The following CDKAL1 variants were observed in gnomAD, a reference collection of about 807,000 sequenced individuals.
CDKAL1 encodes the protein CDKAL1 threonylcarbamoyladenosine tRNA methylthiotransferase, also known as threonylcarbamoyladenosine tRNA methylthiotransferase.
A neutral mutation model predicts 68.2 loss-of-function variants in CDKAL1; 32 were observed. The observed-to-expected ratio is 0.47, with a 90% CI of 0.35 to 0.63. The LOEUF (loss-of-function observed/expected upper bound fraction) is 0.63, where lower values mean the gene tolerates loss of function less well. Among genes scored for constraint, CDKAL1 ranks in the 30% least tolerant of loss-of-function variants. The probability of loss-of-function intolerance (pLI) is 0.00; values close to 1 mark genes in which losing one functional copy is unlikely to be tolerated. For synonymous variants in CDKAL1, 234 were observed against 244.3 expected (o/e 0.96, Z 0.39); for missense variants, 606 against 696.7 (o/e 0.87, Z 1.47).
chr6:20,643,692 G>A (rs1382917394), intron 4 of CDKAL1, among the ~76,000 whole-genome samples: 1 of 152,172 alleles, frequency 6.6e-6, no homozygotes, highest in Non-Finnish European at 1.5e-5. Context: ...TTGTGGGTTG[G>A]CTCAGAGCTA....
intron 5 of CDKAL1, among the ~76,000 whole-genome samples, chr6:20,695,000 T>C (rs1771048581): frequency 6.6e-6 from 1 of 152,168 alleles, no homozygotes; most frequent in Non-Finnish European, 1.5e-5. Context: ...ATGGGCCTTG[T>C]ACAGCCTGCA....
chr6:20,665,443 A>G (rs1204404983), intron 5 of CDKAL1, among the ~76,000 whole-genome samples: 1 of 152,186 alleles, frequency 6.6e-6, no homozygotes, highest in African/African-American at 2.4e-5. Context: ...AGTGACAGTG[A>G]GAGTAATGAA....
Position 21,201,096 on chromosome 6 carries a change from C to T in CDKAL1, c.1384-14C>T. On this transcript the variant is annotated splice_polypyrimidine_tract_variant and intron_variant, in intron 14 of 15. Coordinates refer to ENST00000274695, the MANE Select transcript of CDKAL1 (RefSeq NM_017774.3). ...ATTTTTAAAAATTAAGCCTCTGAAA[C>T]AAATGTGTTTAAGGTTTTAGTGCCA... The T allele has an allele frequency of 6.3e-7, 1 of 1,589,208 alleles. No homozygotes were observed. The highest frequency in any genetic ancestry group is 2.3e-5 in the East Asian group (1 of 44,424).
Position 20,542,954 on chromosome 6 carries a change from A to T in CDKAL1, c.-5-3392A>T, listed in dbSNP as rs1763445352. Among the ~76,000 whole-genome samples, 2 of 152,242 alleles carry T rather than the reference A, an allele frequency of 1.3e-5. 1 individual carries two copies. Among genetic ancestry groups the T allele is most frequent in the South Asian group, 4.1e-4 (2 of 4,838 alleles). The stretch of plus-strand genomic sequence containing the variant: ...TTGGGATTGAATTTCTTCATTCAGC[A>T]TAATTCTCAGGAGAGTCATCCAGGT... On this transcript the variant is annotated intron_variant, in intron 2 of 15. Coordinates refer to ENST00000274695, the MANE Select transcript of CDKAL1 (RefSeq NM_017774.3).
chr6:20,810,404 A>ATGT lies in CDKAL1; in HGVS notation c.638+29139_638+29140insTGT, dbSNP rs1776754012. ...CTCTCTCTCTCTGTCACACACACAC[A>ATGT]CACACACACACACACACACACACAC... On this transcript the variant is annotated intron_variant, in intron 8 of 15. Transcript: ENST00000274695. Among the ~76,000 whole-genome samples the ATGT allele has an allele frequency of 1.3e-4, 7 of 55,586 alleles. No individual in the cohort carries two copies. The East Asian group carries it at 2.4e-3, about 19-fold the overall frequency. The allele number at this position is 55,586 out of a possible 152,430, so 36.5% of individuals were successfully genotyped here.
rs746271613 is a variant in CDKAL1 at position 20,722,649 on chromosome 6, CA to C, written c.372-16863del. ...GAAACCTCACCATCAAAAACAAAAC[CA>C]AAAAAACAGCCTGAAACCCGCAGCC... is the stretch of plus-strand genomic sequence containing the variant. On this transcript the variant is annotated intron_variant, in intron 5 of 15. Transcript: ENST00000274695. 3.5e-5 allele frequency: 6 copies of C among 171,866 alleles called. No individual in the cohort carries two copies. The East Asian group carries it at 5.1e-4, about 15-fold the overall frequency. 10.6% of individuals were successfully genotyped at this position (171,866 alleles called of 1,614,324 possible). A position where few individuals can be genotyped will look rare whatever the true frequency, so the allele number is the denominator to read the frequency against.
rs563225864 is a variant in CDKAL1, at chr6:20,798,643, C to G, written c.638+17378C>G. On this transcript the variant is annotated intron_variant, in intron 8 of 15. Coordinates refer to ENST00000274695, the MANE Select transcript of CDKAL1 (RefSeq NM_017774.3). ...ATGGATGAAGCTGGAAACCATCATT[C>G]TGAGCAAACTATCACAAGGACAGAA... 1.7e-3 allele frequency among the ~76,000 whole-genome samples: 260 copies of G among 151,940 alleles called. 2 individuals are homozygous for G. Among genetic ancestry groups the G allele is most frequent in the Non-Finnish European group, 1.8e-3 (122 of 67,992 alleles).
chr6:20,903,852 G>A (rs1173592091), intron 9 of CDKAL1, among the ~76,000 whole-genome samples: 4 of 152,206 alleles, frequency 2.6e-5, no homozygotes, highest in African/African-American at 9.6e-5. Flanking sequence ...CCAGGAATCT[G>A]TCTCCCCAAC....
At chr6:21,166,873 G>A (rs555897565) in intron 13 of CDKAL1, among the ~76,000 whole-genome samples, 6 of 152,164 alleles carry the variant, frequency 3.9e-5, no homozygotes, top group South Asian at 4.2e-4. Context: ...CATCAGTGCC[G>A]GTCTCTTAAG....
At chr6:20,785,707 A>G (rs1775643528) in intron 8 of CDKAL1, among the ~76,000 whole-genome samples, 1 of 152,178 alleles carries the variant, frequency 6.6e-6, no homozygotes, top group Non-Finnish European at 1.5e-5. Flanking sequence ...TTTTCAGTAG[A>G]AAATGAGCCT....
chr6:21,077,584 C>T (rs1400447450), intron 12 of CDKAL1, among the ~76,000 whole-genome samples: 1 of 152,168 alleles, frequency 6.6e-6, no homozygotes, highest in Non-Finnish European at 1.5e-5. Context: ...AAAGGGGAAG[C>T]AGGTACATAT....
intron 11 of CDKAL1, among the ~76,000 whole-genome samples, chr6:21,032,429 T>C (rs1769345608): frequency 6.6e-6 from 1 of 152,158 alleles, no homozygotes; most frequent in Non-Finnish European, 1.5e-5. Flanking sequence ...ACTCTGTCTA[T>C]TTTTATTTAA....
chr6:20,855,150 C>T (rs1356497372), intron 9 of CDKAL1, among the ~76,000 whole-genome samples: 5 of 152,120 alleles, frequency 3.3e-5, no homozygotes, highest in Non-Finnish European at 5.9e-5. Flanking sequence ...CTTGTTAGAA[C>T]TTGCAGACAT....
intron 4 of CDKAL1, among the ~76,000 whole-genome samples, chr6:20,606,531 C>A (rs940125627): frequency 6.6e-6 from 1 of 152,132 alleles, no homozygotes; most frequent in African/African-American, 2.4e-5. Context: ...CCAAAAGAAT[C>A]ATTTTTAAAT....
chr6:21,161,170 A>G (rs895926717), intron 13 of CDKAL1, among the ~76,000 whole-genome samples: 1 of 152,038 alleles, frequency 6.6e-6, no homozygotes, highest in Non-Finnish European at 1.5e-5. Context: ...AAAAGCTATC[A>G]TGAAAACCTT....
At chr6:20,841,588 A>T (rs979173723) in intron 8 of CDKAL1, among the ~76,000 whole-genome samples, 2 of 152,204 alleles carry the variant, frequency 1.3e-5, no homozygotes, top group African/African-American at 2.4e-5. Context: ...GTAATTTAAA[A>T]ATATTCTACC....
In CDKAL1 at chr6:21,203,173, C is replaced by T. The variant is rs529466204; in HGVS notation, c.1548+1899C>T. Among the ~76,000 whole-genome samples the T allele has an allele frequency of 2.0e-4, 29 of 147,586 alleles. 1 individual carries two copies. The highest frequency in any genetic ancestry group is 7.1e-4 in the African/African-American group (28 of 39,540). The stretch of plus-strand genomic sequence containing the variant: ...CAAGCAATCGTCCCACATCAGCTTC[C>T]TGAGTAGCTGGGACTATAGGCATGC... On this transcript the variant is annotated intron_variant, in intron 15 of 15. Coordinates refer to ENST00000274695, the MANE Select transcript of CDKAL1 (RefSeq NM_017774.3).
At position 21,060,677 on chromosome 6, in the gene CDKAL1, C is replaced by A. The variant is rs535220436; in HGVS notation, c.1056-4371C>A. Among the ~76,000 whole-genome samples, 15 of 152,218 alleles carry A rather than the reference C, an allele frequency of 9.9e-5. No homozygotes were observed. The East Asian group carries it at 2.7e-3, about 27-fold the overall frequency. On this transcript the variant is annotated intron_variant, in intron 11 of 15. Transcript: ENST00000274695. Reference sequence around the variant, plus strand: ...TTTTCTCTAAGCACTGCTTTAGTTGCATATCATATATTTAGATGTGTTATG... The same window carrying A: ...TTTTCTCTAAGCACTGCTTTAGTTGAATATCATATATTTAGATGTGTTATG...
chr6:21,179,251 A>G (rs1777699756), intron 13 of CDKAL1, among the ~76,000 whole-genome samples: 1 of 152,184 alleles, frequency 6.6e-6, no homozygotes, highest in Non-Finnish European at 1.5e-5. Context: ...CTTAGTAGAA[A>G]CACTACCTGA....
Sources: gnomAD v4.1 joint callset for allele counts (sites outside exome capture counted in the v4.1 genomes callset) on GRCh38, gnomAD v4.1.1 for gene constraint, MANE v1.5 for transcripts, NCBI Gene and HGNC (gene_info 2026-07-23, HGNC 2026-07-21) for gene names.